The following TCF12 variants were observed in gnomAD, a reference collection of about 807,000 sequenced individuals.
TCF12 encodes the protein transcription factor 12, also known as DNA-binding protein HTF4.
TCF12 carries 45 observed loss-of-function variants against 86.0 expected under a neutral mutation model. That is an observed-to-expected ratio of 0.52 (90% CI 0.41 to 0.67). The LOEUF is 0.67. Ranked by LOEUF, TCF12 falls within the 30% of genes least tolerant of loss-of-function variation. TCF12 has a pLI of 0.00. For synonymous variants in TCF12, 330 were observed against 299.6 expected (o/e 1.10, Z -1.05); for missense variants, 881 against 859.9 (o/e 1.02, Z -0.31).
rs1425417353 is a variant in TCF12 at position 57,286,619 on chromosome 15, A to G, written c.*474A>G. The G allele has an allele frequency of 2.2e-6, 1 of 456,650 alleles. No individual in the cohort carries two copies. The highest frequency in any genetic ancestry group is 4.4e-6 in the Non-Finnish European group (1 of 226,980). 28.3% of individuals were successfully genotyped at this position (456,650 alleles called of 1,614,324 possible). On this transcript the variant is annotated 3_prime_UTR_variant, in exon 21 of 21. Transcript: ENST00000333725. The stretch of plus-strand genomic sequence containing the variant: ...GCATACATTAAAGCGGTTCACGTGC[A>G]GAGAACAAAGCAGTGACAACCATTG...
chr15:56,925,509 T>C (rs1306183682), intron 3 of TCF12, among the ~76,000 whole-genome samples: 2 of 152,162 alleles, frequency 1.3e-5, no homozygotes, highest in Non-Finnish European at 2.9e-5. Context: ...TAAACAACTT[T>C]CAAATTTTAT....
At chr15:57,281,507 C>A (rs1351993396) in intron 19 of TCF12, 1 of 152,252 alleles carries the variant, frequency 6.6e-6, no homozygotes, top group Non-Finnish European at 1.5e-5. Flanking sequence ...AACGAACGGG[C>A]TGGCTGCACC....
At chr15:57,160,747 C>T (rs1383489507) in intron 5 of TCF12, among the ~76,000 whole-genome samples, 23 of 152,048 alleles carry the variant, frequency 1.5e-4, no homozygotes, top group Non-Finnish European at 3.2e-4. Context: ...GGCTGAAATG[C>T]AGTGGCATGA....
Position 57,252,415 on chromosome 15 carries a change from T to C in TCF12, c.1189-6T>C. On this transcript the variant is annotated splice_region_variant and splice_polypyrimidine_tract_variant and intron_variant, in intron 14 of 20. Coordinates refer to ENST00000333725, the MANE Select transcript of TCF12 (RefSeq NM_207037.2). ...TTTGCCTCCTGTTCTGTCTTGACTT[T>C]GCCAGAAAAATCGAGTTGAGCAGCA... 1 of 1,613,574 alleles carries C rather than the reference T, an allele frequency of 6.2e-7. No homozygotes were observed. Among genetic ancestry groups the C allele is most frequent in the South Asian group, 1.1e-5 (1 of 91,038 alleles).
intron 5 of TCF12, among the ~76,000 whole-genome samples, chr15:57,102,305 A>T (rs923547436): frequency 6.6e-6 from 1 of 152,192 alleles, no homozygotes; most frequent in Non-Finnish European, 1.5e-5. Flanking sequence ...AAGAATTAAT[A>T]AGTTACATAT....
chr15:57,069,293 G>A (rs1334654150), intron 4 of TCF12, among the ~76,000 whole-genome samples: 1 of 152,000 alleles, frequency 6.6e-6, no homozygotes, highest in Non-Finnish European at 1.5e-5. Context: ...ATCAAGAGTT[G>A]GCATTTTAAT....
intron 5 of TCF12, among the ~76,000 whole-genome samples, chr15:57,132,994 T>C (rs1000976828): frequency 6.6e-6 from 1 of 152,236 alleles, no homozygotes; most frequent in East Asian, 1.9e-4. Context: ...TTAAATTTTT[T>C]TCATGGTCAC....
chr15:57,054,981 G>T (rs1196693607), intron 3 of TCF12, among the ~76,000 whole-genome samples: 1 of 151,618 alleles, frequency 6.6e-6, no homozygotes, highest in East Asian at 1.9e-4. Flanking sequence ...TAACTCTTAG[G>T]AGAGAAAATT....
intron 5 of TCF12, among the ~76,000 whole-genome samples, chr15:57,155,867 T>C (rs1214660566): frequency 6.6e-6 from 1 of 152,240 alleles, no homozygotes; most frequent in Non-Finnish European, 1.5e-5. Context: ...GCTTTCTCCA[T>C]GTGTTTCAAC....
rs553267595 is a variant in TCF12, at chr15:57,100,444, G to A, written c.325+8553G>A. Among the ~76,000 whole-genome samples, 85 of 125,418 alleles carry A rather than the reference G, an allele frequency of 6.8e-4. 1 individual carries two copies. The South Asian group carries it at 8.4e-3, about 12-fold the overall frequency. 82.3% of individuals were successfully genotyped at this position (125,418 alleles called of 152,430 possible). ...TCCTCTTTTTTTTTTTTTTTTTTTA[G>A]TAGAGATGAGGTCTTGCTGTGTTGG... On this transcript the variant is annotated intron_variant, in intron 5 of 20. Coordinates refer to ENST00000333725, the MANE Select transcript of TCF12 (RefSeq NM_207037.2).
intron 3 of TCF12, among the ~76,000 whole-genome samples, chr15:56,986,657 G>T (rs1199931749): frequency 6.6e-6 from 1 of 152,150 alleles, no homozygotes; most frequent in Non-Finnish European, 1.5e-5. Flanking sequence ...GTTCACAACA[G>T]AAGTTACTTT....
intron 4 of TCF12, among the ~76,000 whole-genome samples, chr15:57,075,828 C>CTTT (rs375885722): frequency 0.019 from 1,337 of 71,268 alleles, 51 homozygotes; most frequent in African/African-American, 0.029. Context: ...CTCTCTCTCT[C>CTTT]TCTCTCTTTT....
chr15:57,257,737 A>C (rs1282383404), intron 16 of TCF12, among the ~76,000 whole-genome samples: 1 of 151,536 alleles, frequency 6.6e-6, no homozygotes, highest in East Asian at 1.9e-4. Context: ...AGCCTGCAGT[A>C]CGGACAAGTC....
At chr15:56,949,114 T>C (rs1360317969) in intron 3 of TCF12, among the ~76,000 whole-genome samples, 2 of 152,234 alleles carry the variant, frequency 1.3e-5, no homozygotes, top group Non-Finnish European at 2.9e-5. Context: ...TTGGATTTTG[T>C]CTTGATTACA....
intron 1 of TCF12, 119 bp from the exon 2 acceptor site, chr15:56,919,773 C>T: frequency 1.2e-6 from 1 of 844,584 alleles, no homozygotes; most frequent in Non-Finnish European, 1.8e-6. Context: ...AGTCGGGGTC[C>T]TGGAAGTCAT....
At chr15:56,976,013 T>G (rs749032837) in intron 3 of TCF12, among the ~76,000 whole-genome samples, 1 of 151,814 alleles carries the variant, frequency 6.6e-6, no homozygotes, top group African/African-American at 2.4e-5. Context: ...AAAGATGATA[T>G]TTGCAATGGA....
At chr15:57,078,020 A>G (rs1260097369) in intron 4 of TCF12, among the ~76,000 whole-genome samples, 3 of 152,192 alleles carry the variant, frequency 2.0e-5, no homozygotes, top group African/African-American at 7.2e-5. Flanking sequence ...CAATGCATGG[A>G]TATTCTTAAC....
intron 8 of TCF12, among the ~76,000 whole-genome samples, chr15:57,209,629 C>G (rs1195479479): frequency 2.0e-5 from 3 of 152,178 alleles, no homozygotes; most frequent in Non-Finnish European, 2.9e-5. Context: ...TAAATTATGG[C>G]AACAGCTTTA....
Position 57,231,137 on chromosome 15 carries a change from C to G in TCF12, c.580-15C>G. On this transcript the variant is annotated splice_polypyrimidine_tract_variant and intron_variant, in intron 8 of 20. Coordinates refer to ENST00000333725, the MANE Select transcript of TCF12 (RefSeq NM_207037.2). The stretch of plus-strand genomic sequence containing the variant: ...GTCATTTACATTTTAATTAAATGTG[C>G]TGTTTAATTTTAAGGTATATGCACC... 6.5e-7 allele frequency: 1 copy of G among 1,539,306 alleles called. No individual in the cohort carries two copies. Among genetic ancestry groups the G allele is most frequent in the Non-Finnish European group, 9.0e-7 (1 of 1,113,102 alleles).
Sources: allele counts gnomAD v4.1 joint callset (sites outside exome capture counted in the v4.1 genomes callset), GRCh38; gene constraint gnomAD v4.1.1; transcripts MANE v1.5; gene names NCBI Gene and HGNC (gene_info 2026-07-23, HGNC 2026-07-21).